The following NRG3 variants were observed in gnomAD, a reference collection of about 807,000 sequenced individuals.
NRG3 encodes the protein neuregulin 3.
NRG3 carries 31 observed loss-of-function variants against 66.9 expected under a neutral mutation model. The ratio of observed to expected loss-of-function variants is 0.46; its 90% CI spans 0.35 to 0.63. The LOEUF (loss-of-function observed/expected upper bound fraction) is 0.63. Among genes scored for constraint, NRG3 ranks in the 20% least tolerant of loss-of-function variants. The pLI, the probability that NRG3 is intolerant of heterozygous loss-of-function variation, is 0.00. For synonymous variants in NRG3, 393 were observed against 359.4 expected (o/e 1.09, Z -1.06); for missense variants, 910 against 878.9 (o/e 1.04, Z -0.45).
At chr10:82,735,859 A>C (rs550100614) in intron 2 of NRG3, among the ~76,000 whole-genome samples, 2 of 152,280 alleles carry the variant, frequency 1.3e-5, no homozygotes, top group East Asian at 3.9e-4. Flanking sequence ...CCACCATGGC[A>C]CATGTATACC....
intron 3 of NRG3, among the ~76,000 whole-genome samples, chr10:82,835,406 G>T (rs1480566037): frequency 6.6e-6 from 1 of 152,072 alleles, no homozygotes; most frequent in Non-Finnish European, 1.5e-5. Flanking sequence ...TATTAAAAAT[G>T]CAAGATTTAC....
chr10:82,384,648 A>G (rs2135893299), intron 2 of NRG3, among the ~76,000 whole-genome samples: 1 of 152,264 alleles, frequency 6.6e-6, no homozygotes, highest in Middle Eastern at 3.4e-3. Flanking sequence ...CATGGTGTAT[A>G]TGTGCCACAT....
intron 1 of NRG3, among the ~76,000 whole-genome samples, chr10:82,245,640 A>G (rs533580092): frequency 6.6e-6 from 1 of 152,358 alleles, no homozygotes; most frequent in South Asian, 2.1e-4. Flanking sequence ...TTAGTTTTCA[A>G]TATTTTTCAA....
In NRG3 at chr10:82,100,216, T is replaced by C. The variant is rs181496342; in HGVS notation, c.823+224053T>C. Among the ~76,000 whole-genome samples, 368 of 152,254 alleles carry C rather than the reference T, an allele frequency of 2.4e-3. 1 individual carries two copies. The highest frequency in any genetic ancestry group is 8.4e-3 in the African/African-American group (349 of 41,572). ...ATTTCATTGAAAACATATTGAAATA[T>C]GACTTTTTTGGATTCTATGGCTTTG... On this transcript the variant is annotated intron_variant, in intron 1 of 8. Transcript: ENST00000372141.
At chr10:82,132,479 G>GATATATATCTCATATATATATATC (rs1590227753) in intron 1 of NRG3, among the ~76,000 whole-genome samples, 1 of 62,498 alleles carries the variant, frequency 1.6e-5, no homozygotes, top group Non-Finnish European at 3.2e-5. Flanking sequence ...ATATATATAT[G>GATATATATCTCATATATATATATC]ATATATATAT....
At chr10:81,960,875 A>G (rs1049672977) in intron 1 of NRG3, among the ~76,000 whole-genome samples, 1 of 152,116 alleles carries the variant, frequency 6.6e-6, no homozygotes, top group Non-Finnish European at 1.5e-5. Context: ...TTTAGGAAGA[A>G]ACCTCTTGAT....
chr10:81,942,560 T>A (rs1848491358), intron 1 of NRG3, among the ~76,000 whole-genome samples: 2 of 152,200 alleles, frequency 1.3e-5, no homozygotes, highest in Admixed American at 1.3e-4. Flanking sequence ...TTATACATGC[T>A]TTGGATTATC....
chr10:82,537,453 G>A (rs2132710617), intron 2 of NRG3, among the ~76,000 whole-genome samples: 1 of 152,132 alleles, frequency 6.6e-6, no homozygotes, highest in African/African-American at 2.4e-5. Context: ...GACCCCTTTT[G>A]TTTATTACAT....
chr10:82,731,986 C>T (rs990363584), intron 2 of NRG3, among the ~76,000 whole-genome samples: 7 of 152,130 alleles, frequency 4.6e-5, no homozygotes, highest in African/African-American at 1.7e-4. Context: ...AAATTGCTAA[C>T]AGTAGACATT....
intron 1 of NRG3, among the ~76,000 whole-genome samples, chr10:81,909,588 G>A (rs1844925713): frequency 6.6e-6 from 1 of 152,084 alleles, no homozygotes; most frequent in Admixed American, 6.6e-5. Flanking sequence ...CCTGTGACTG[G>A]TTCTTGGCAC....
At chr10:82,402,587 C>T (rs1448347699) in intron 2 of NRG3, among the ~76,000 whole-genome samples, 1 of 152,080 alleles carries the variant, frequency 6.6e-6, no homozygotes, top group African/African-American at 2.4e-5. Context: ...TCATTTATTT[C>T]CTTCTTCATC....
At chr10:82,532,329 T>A (rs1191644465) in intron 2 of NRG3, among the ~76,000 whole-genome samples, 1 of 151,496 alleles carries the variant, frequency 6.6e-6, no homozygotes, top group Non-Finnish European at 1.5e-5. Flanking sequence ...TCACTTAGCA[T>A]AAGGTTCATC....
chr10:82,165,005 T>A (rs1432550642), intron 1 of NRG3, among the ~76,000 whole-genome samples: 1 of 152,174 alleles, frequency 6.6e-6, no homozygotes, highest in Admixed American at 6.5e-5. Context: ...ATAACTTATT[T>A]ATTAAAACAT....
Position 82,181,701 on chromosome 10 carries a change from C to T in NRG3, c.824-177038C>T, listed in dbSNP as rs1466716946. Among the ~76,000 whole-genome samples, 5 of 151,792 alleles carry T rather than the reference C, an allele frequency of 3.3e-5. No homozygotes were observed. The South Asian group carries it at 1.0e-3, about 32-fold the overall frequency. On this transcript the variant is annotated intron_variant, in intron 1 of 8. Transcript: ENST00000372141. ...CATGTAATCTATCCTGTAGAATGTA[C>T]TGTGTATACCTGAGAAGAAAGTTTA...
intron 3 of NRG3, among the ~76,000 whole-genome samples, chr10:82,799,524 C>G (rs2060943086): frequency 1.2e-5 from 1 of 81,842 alleles, no homozygotes; most frequent in African/African-American, 7.2e-5. Context: ...GAAATTCCGT[C>G]TCAAAAAAAA....
At chr10:82,442,524 A>G (rs190468076) in intron 2 of NRG3, among the ~76,000 whole-genome samples, 9 of 152,258 alleles carry the variant, frequency 5.9e-5, no homozygotes, top group African/African-American at 1.9e-4. Flanking sequence ...TACTAGCTTC[A>G]AGAAGGCTTA....
At position 82,383,004 on chromosome 10, in the gene NRG3, C is replaced by T. The variant is rs143869177; in HGVS notation, c.953+24136C>T. ...TGGCCTGGCCTAATTCTTATTAAAG[C>T]TTTATTACATTAGATATCAGTTGGC... On this transcript the variant is annotated intron_variant, in intron 2 of 8. Transcript: ENST00000372141. Among the ~76,000 whole-genome samples the T allele has an allele frequency of 3.9e-5, 6 of 151,996 alleles. No homozygotes were observed. In the East Asian group the frequency reaches 1.2e-3, roughly 29 times the overall value.
chr10:82,734,563 C>T (rs373736622), intron 2 of NRG3, among the ~76,000 whole-genome samples: 4 of 152,180 alleles, frequency 2.6e-5, no homozygotes, highest in African/African-American at 9.7e-5. Context: ...CCCTCCCTCC[C>T]ATTGTGAGGG....
At chr10:82,756,573 T>A (rs542380810) in intron 3 of NRG3, among the ~76,000 whole-genome samples, 127 of 152,240 alleles carry the variant, frequency 8.3e-4, no homozygotes, top group Non-Finnish European at 1.4e-3. Flanking sequence ...CACAAGTAAG[T>A]ACAAATTCTT....
Sources: allele counts gnomAD v4.1 joint callset (sites outside exome capture counted in the v4.1 genomes callset), GRCh38; gene constraint gnomAD v4.1.1; transcripts MANE v1.5; gene names NCBI Gene and HGNC (gene_info 2026-07-23, HGNC 2026-07-21).